BRCA1: variants seen among roughly 807,000 people sequenced by gnomAD.
BRCA1 encodes breast cancer type 1 susceptibility protein.
BRCA1 carries 140 observed loss-of-function variants against 173.7 expected under a neutral mutation model. That is an observed-to-expected ratio of 0.81 (90% CI 0.70 to 0.93). The LOEUF (loss-of-function observed/expected upper bound fraction) is 0.93. Among genes scored for constraint, BRCA1 ranks in the 40% least tolerant of loss-of-function variants. The pLI is 0.00. For missense variants in BRCA1, 1,983 were observed against 2,172.5 expected (o/e 0.91, Z 1.73); for synonymous variants, 662 against 756.0 (o/e 0.88, Z 2.04).
At chr17:43,106,616 A>T (rs1300767562) in intron 3 of BRCA1, 83 bp from the exon 4 acceptor site, 10 of 1,050,310 alleles carry the variant, frequency 9.5e-6, no homozygotes, top group East Asian at 2.6e-5. Flanking sequence ...AGCCATGAAA[A>T]GATAATCTCA....
At chr17:43,067,460 T>C in intron 16 of BRCA1, 148 bp downstream of exon 16, 1 of 628,508 alleles carries the variant, frequency 1.6e-6, no homozygotes, top group East Asian at 3.0e-5. Context: ...TTCACCATGC[T>C]GGCCAGGATG....
chr17:43,124,201 T>C, intron 1 of BRCA1, 86 bp from the exon 2 acceptor site: 1 of 836,318 alleles, frequency 1.2e-6, no homozygotes, highest in Non-Finnish European at 1.9e-6. Context: ...TAAAATAAAG[T>C]AAATTTAAGA....
rs2154367305 is a variant in BRCA1, at chr17:43,092,892, T to A, written c.2639A>T (p.Glu880Val). The A allele has an allele frequency of 6.2e-7, 1 of 1,613,948 alleles. No homozygotes were observed. The change falls in exon 10 of 23, where the codon GAG (glutamate) becomes GTG (valine). Residue 880 changes from glutamate to valine, a missense_variant. Transcript: ENST00000357654. ...APFSNPGNAE[E>V]ECATFSAHSG... The stretch of plus-strand genomic sequence containing the variant: ...GTGGGCAGAGAATGTTGCACATTCC[T>A]CTTCTGCATTTCCTGGATTTGAAAA...
intron 2 of BRCA1, among the ~76,000 whole-genome samples, chr17:43,121,297 C>G (rs1379226312): frequency 6.6e-6 from 1 of 152,030 alleles, no homozygotes; most frequent in Non-Finnish European, 1.5e-5. Flanking sequence ...ATGGCCTGAA[C>G]CCGGGAGGCG....
intron 11 of BRCA1, among the ~76,000 whole-genome samples, chr17:43,087,375 G>A (rs1196356605): frequency 6.6e-6 from 1 of 152,054 alleles, no homozygotes; most frequent in Non-Finnish European, 1.5e-5. Context: ...GAATTTTAAC[G>A]ACCCAGGCTG....
intron 18 of BRCA1, among the ~76,000 whole-genome samples, chr17:43,058,541 T>C (rs2153446351): frequency 6.6e-6 from 1 of 152,346 alleles, no homozygotes; most frequent in Admixed American, 6.5e-5. Flanking sequence ...AAATCTTTTG[T>C]GTGCAGAACT....
intron 2 of BRCA1, among the ~76,000 whole-genome samples, chr17:43,123,250 T>C (rs1205959746): frequency 6.6e-6 from 1 of 151,780 alleles, no homozygotes; most frequent in Admixed American, 6.6e-5. Context: ...TGCATTTCAT[T>C]GTATGTAAAT....
rs779227326 is a variant in BRCA1, at chr17:43,093,377, A to C, written c.2154T>G (p.Leu718=). The change falls in exon 10 of 23, where the codon CTT becomes CTG. Residue 718 remains leucine, a synonymous_variant. Coordinates refer to ENST00000357654, the MANE Select transcript of BRCA1 (RefSeq NM_007294.4). ...GAAGGCTAGGATTGACAAATTCTTTAAGTTCACTGGTATTTGAACACTTAG... is the reference window on the plus strand; with the variant it reads ...GAAGGCTAGGATTGACAAATTCTTTCAGTTCACTGGTATTTGAACACTTAG... ...SFTKCSNTSE[L]KEFVNPSLPR... 3.7e-6 allele frequency: 6 copies of C among 1,613,988 alleles called. No homozygotes were observed.
chr17:43,063,712 A>G (rs2153577265), intron 17 of BRCA1, among the ~76,000 whole-genome samples, 162 bp downstream of exon 17: 1 of 152,332 alleles, frequency 6.6e-6, no homozygotes, highest in South Asian at 2.1e-4. Flanking sequence ...AGCTTATCTG[A>G]ACAAAGTGAT....
chr17:43,130,352 T>C (rs2055955294), upstream of BRCA1, among the ~76,000 whole-genome samples: 1 of 152,124 alleles, frequency 6.6e-6, no homozygotes, highest in Non-Finnish European at 1.5e-5. Flanking sequence ...TCTCGCTCTA[T>C]CACCCAGGCG....
At chr17:43,149,792 C>A (rs2056149103) in intron 1 of BRCA1, among the ~76,000 whole-genome samples, 1 of 151,872 alleles carries the variant, frequency 6.6e-6, no homozygotes, top group African/African-American at 2.4e-5. Flanking sequence ...CCCTCAGTTT[C>A]TTTTTTTTGT....
intron 9 of BRCA1, among the ~76,000 whole-genome samples, 178 bp downstream of exon 9, chr17:43,095,668 T>C (rs2054101059): frequency 6.6e-6 from 1 of 151,778 alleles, no homozygotes; most frequent in Admixed American, 6.6e-5. Context: ...ATTAGTCTAG[T>C]ACCATTTAAA....
At chr17:43,124,160 T>C (rs1436068795) in intron 1 of BRCA1, 45 bp from the exon 2 acceptor site, 2 of 1,139,020 alleles carry the variant, frequency 1.8e-6, no homozygotes, top group East Asian at 2.6e-5. Flanking sequence ...TTTTAAAAGG[T>C]TTATAAAATG....
chr17:43,122,856 C>T (rs2055640735), intron 2 of BRCA1, among the ~76,000 whole-genome samples: 1 of 150,954 alleles, frequency 6.6e-6, no homozygotes, highest in South Asian at 2.1e-4. Context: ...ACTATCCTGG[C>T]TAACACGGTG....
intron 1 of BRCA1, chr17:43,131,358 C>T (rs1006533460): frequency 2.9e-5 from 12 of 418,152 alleles, no homozygotes; most frequent in Non-Finnish European, 5.0e-5. Flanking sequence ...TTCGAAGTAG[C>T]GCTTAGCTCA....
At chr17:43,119,566 C>A (rs1353109351) in intron 2 of BRCA1, among the ~76,000 whole-genome samples, 1 of 152,142 alleles carries the variant, frequency 6.6e-6, no homozygotes. Flanking sequence ...TGGGAAAATG[C>A]TTCACAACCT....
At chr17:43,161,687 C>G (rs1160938643) in intron 1 of BRCA1, 2 of 152,170 alleles carry the variant, frequency 1.3e-5, no homozygotes, top group African/African-American at 4.8e-5. Context: ...CTTCTCCACT[C>G]TTGCTATATA....
intron 4 of BRCA1, 74 bp from the exon 5 acceptor site, chr17:43,105,030 G>A (rs1472115280): frequency 1.6e-6 from 2 of 1,221,426 alleles, no homozygotes; most frequent in African/African-American, 3.0e-5. Context: ...AATAAGAAAA[G>A]ACATGTAAAC....
chr17:43,052,279 T>C (rs1458415973), intron 19 of BRCA1, among the ~76,000 whole-genome samples: 4 of 152,154 alleles, frequency 2.6e-5, no homozygotes, highest in Admixed American at 6.5e-5. Context: ...CATATTTTAA[T>C]TTTTTTCTTT....
Sources: gnomAD v4.1 joint callset for allele counts (sites outside exome capture counted in the v4.1 genomes callset) on GRCh38, gnomAD v4.1.1 for gene constraint, MANE v1.5 for transcripts, NCBI Gene and HGNC (gene_info 2026-07-23, HGNC 2026-07-21) for gene names.